FCRL3: variants seen among roughly 807,000 people sequenced by gnomAD.
FCRL3 encodes Fc receptor-like protein 3.
Under a neutral mutation model 75.0 loss-of-function variants are expected in FCRL3, and 89 were observed. The ratio of observed to expected loss-of-function variants is 1.19; its 90% confidence interval spans 1.00 to 1.42. FCRL3 has a LOEUF of 1.42. Ranked by LOEUF, FCRL3 falls within the 40% of genes most tolerant of loss-of-function variation. FCRL3 has a pLI of 0.00. For synonymous variants in FCRL3, 376 were observed against 348.5 expected (o/e 1.08, Z -0.88); for missense variants, 946 against 880.0 (o/e 1.07, Z -0.95).
At position 157,695,545 on chromosome 1, in the gene FCRL3, G is replaced by C. The variant is rs772771935; in HGVS notation, c.1195C>G (p.Leu399Val). 2.5e-6 allele frequency: 4 copies of C among 1,614,002 alleles called. No homozygotes were observed. The African/African-American group carries it at 5.3e-5, about 22-fold the overall frequency. ...APRAHTVVGD[L>V]LELHCESLRG... ...AGGGACTCACAGTGAAGCTCCAGCA[G>C]GTCCCCCACCACAGTGTGGGCCCTG... The change falls in exon 8 of 15, where the codon CTG becomes GTG. Residue 399 changes from leucine (L) to valine (V), a missense_variant. Coordinates refer to ENST00000368184, the MANE Select transcript of FCRL3 (RefSeq NM_052939.4).
At position 157,697,666 on chromosome 1, in the gene FCRL3, T is replaced by A; in HGVS notation, c.552A>T (p.Gln184His). The change falls in exon 5 of 15, where the codon CAA (glutamine) becomes CAT (histidine). Residue 184 changes from glutamine (Q) to histidine (H), a missense_variant. Gln to His is a conservative substitution (Grantham distance 24, BLOSUM62 0). Transcript: ENST00000368184. The part of the protein sequence containing the change: ...IEVTSKPLNI[Q>H]VQELFLHPVL... ...CAGGAATCTAGCCATTACCTTGAAC[T>A]TGGATATTTAGGGGTTTTGAAGTTA... 1.9e-6 allele frequency: 3 copies of A among 1,613,056 alleles called. No homozygotes were observed. Among genetic ancestry groups the A allele is most frequent in the Non-Finnish European group, 2.5e-6 (3 of 1,179,586 alleles).
Position 157,676,861 on chromosome 1 carries a change from T to A in FCRL3, c.*1849A>T. 6.5e-7 allele frequency: 1 copy of A among 1,533,284 alleles called. No individual in the cohort carries two copies. The highest frequency in any genetic ancestry group is 1.2e-5 in the South Asian group (1 of 82,114). 95.0% of individuals were successfully genotyped at this position (1,533,284 alleles called of 1,614,324 possible). ...AGGGGCTTGGCAAGGTAATTCCAAA[T>A]CAGCAGCAGGGTTAGAAAGGAGGAG... On this transcript the variant is annotated 3_prime_UTR_variant, in exon 15 of 15. Coordinates refer to ENST00000368184, the MANE Select transcript of FCRL3 (RefSeq NM_052939.4).
At chr1:157,689,505 G>A (rs535822069) in intron 10 of FCRL3, among the ~76,000 whole-genome samples, 1 of 152,048 alleles carries the variant, frequency 6.6e-6, no homozygotes, top group South Asian at 2.1e-4. Flanking sequence ...TGTTACAAAT[G>A]AAGGACTTTC....
chr1:157,689,369 G>A (rs919368767), intron 10 of FCRL3, among the ~76,000 whole-genome samples: 3 of 151,868 alleles, frequency 2.0e-5, no homozygotes, highest in South Asian at 2.1e-4. Context: ...AGCAACAATC[G>A]GAAATTGAAT....
intron 10 of FCRL3, among the ~76,000 whole-genome samples, chr1:157,686,599 C>A (rs1208495990): frequency 6.6e-6 from 1 of 151,924 alleles, no homozygotes; most frequent in Non-Finnish European, 1.5e-5. Flanking sequence ...ACACATAGAC[C>A]AACGGAATGG....
At position 157,676,653 on chromosome 1, in the gene FCRL3, C is replaced by T. The variant is rs112272202; in HGVS notation, c.*2057G>A. The T allele has an allele frequency of 6.9e-3, 9,961 of 1,445,250 alleles. 53 individuals carry two copies. The highest frequency in any genetic ancestry group is 7.9e-3 in the Non-Finnish European group (8,359 of 1,053,668). 89.5% of individuals were successfully genotyped at this position (1,445,250 alleles called of 1,614,324 possible). On this transcript the variant is annotated 3_prime_UTR_variant, in exon 15 of 15. Coordinates refer to ENST00000368184, the MANE Select transcript of FCRL3 (RefSeq NM_052939.4). The stretch of plus-strand genomic sequence containing the variant: ...TCAGAATTTGCACATTTGTTATATC[C>T]GAGATGTACAGTTAGGACTCACCCC...
intron 7 of FCRL3, 77 bp from the exon 8 acceptor site, chr1:157,695,684 T>C: frequency 6.8e-7 from 1 of 1,462,240 alleles, no homozygotes; most frequent in African/African-American, 1.4e-5. Flanking sequence ...AGCCTAGCAA[T>C]GGATATGTCC....
Position 157,696,256 on chromosome 1 carries a change from C to G in FCRL3, c.916G>C (p.Val306Leu). ...GGQLIEGENM[V>L]LICSVAQGSG... is the part of the protein sequence containing the mutation. ...CCCTGGGCTACTGAGCAAATAAGGACCATATTTTCTCCTTCAATCAGCTGC... is the reference window on the plus strand; with the variant it reads ...CCCTGGGCTACTGAGCAAATAAGGAGCATATTTTCTCCTTCAATCAGCTGC... The change falls in exon 7 of 15, where the codon GTC becomes CTC. Residue 306 changes from valine to leucine, a missense_variant. Val to Leu is a conservative substitution (Grantham distance 32). Transcript: ENST00000368184. 2 of 1,614,016 alleles carry G rather than the reference C, an allele frequency of 1.2e-6. No individual in the cohort carries two copies. Among genetic ancestry groups the G allele is most frequent in the Non-Finnish European group, 1.7e-6 (2 of 1,179,988 alleles).
chr1:157,680,538 T>C (rs1294439777), intron 13 of FCRL3, among the ~76,000 whole-genome samples, 164 bp downstream of exon 13: 1 of 152,212 alleles, frequency 6.6e-6, no homozygotes, highest in East Asian at 1.9e-4. Flanking sequence ...GGTGGCAGTA[T>C]GTAAAGGTAA....
At chr1:157,695,742 T>C (rs1281294469) in intron 7 of FCRL3, 135 bp from the exon 8 acceptor site, 1 of 1,112,252 alleles carries the variant, frequency 9.0e-7, no homozygotes, top group Non-Finnish European at 1.3e-6. Context: ...ATTTTTCTTA[T>C]CTAACAATCA....
At position 157,694,002 on chromosome 1, in the gene FCRL3, G is replaced by A. The variant is rs563741670; in HGVS notation, c.1411+1327C>T. On this transcript the variant is annotated intron_variant, in intron 8 of 14. Coordinates refer to ENST00000368184, the MANE Select transcript of FCRL3 (RefSeq NM_052939.4). ...TAAGCTCAAGTGATTTGCCCACCTC[G>A]GCCTCCCAAAATGCTAGGATTACAG... 9.9e-5 allele frequency among the ~76,000 whole-genome samples: 15 copies of A among 152,058 alleles called. No homozygotes were observed. The South Asian group carries it at 2.9e-3, about 30-fold the overall frequency.
At chr1:157,697,553 G>T in intron 5 of FCRL3, 106 bp downstream of exon 5, 1 of 1,473,040 alleles carries the variant, frequency 6.8e-7, no homozygotes, top group Non-Finnish European at 9.1e-7. Flanking sequence ...TCCCTCCCAT[G>T]GCTGAGCCAT....
At chr1:157,681,489 G>T (rs532576714) in intron 11 of FCRL3, among the ~76,000 whole-genome samples, 1 of 145,582 alleles carries the variant, frequency 6.9e-6, no homozygotes, top group Non-Finnish European at 1.5e-5. Context: ...GAGAACATGC[G>T]GTGTTTGGTT....
In FCRL3 at chr1:157,697,141, C is replaced by T. The variant is rs1253071791; in HGVS notation, c.843G>A (p.Gln281=). Residue 281 remains glutamine, a splice_region_variant and synonymous_variant, in exon 6 of 15, where the codon CAG becomes CAA. Transcript: ENST00000368184. ...AAGAGCAGCCCCTTAGACACTCACT[C>T]TGTACACGTATCTGAGATCTCAGGC... is the stretch of plus-strand genomic sequence containing the variant. ...KRSLRSQIRV[Q]RVPVSNVNLE... 1 of 1,481,002 alleles carries T rather than the reference C, an allele frequency of 6.8e-7. No individual in the cohort carries two copies. Among genetic ancestry groups the T allele is most frequent in the Non-Finnish European group, 9.0e-7 (1 of 1,113,404 alleles). 91.7% of individuals were successfully genotyped at this position (1,481,002 alleles called of 1,614,324 possible). A position where few individuals can be genotyped will look rare whatever the true frequency, so the allele number is the denominator to read the frequency against.
intron 2 of FCRL3, 57 bp downstream of exon 2, chr1:157,700,402 T>A (rs542812331): frequency 6.2e-7 from 1 of 1,613,000 alleles, no homozygotes. Context: ...CCTTGAGTTT[T>A]TCCCTGGTCA....
In FCRL3 at chr1:157,696,155, C is replaced by G; in HGVS notation, c.1017G>C (p.Leu339=). ...CGGTGAGAACATGCAGCTCTGCCAA[C>G]AGGGAACGCTGGGTCTTTCTACCCA... ...RSLGRKTQRS[L]LAELHVLTVK... The change falls in exon 7 of 15, where the codon CTG becomes CTC. Residue 339 remains leucine, a synonymous_variant. Coordinates refer to ENST00000368184, the MANE Select transcript of FCRL3 (RefSeq NM_052939.4). The G allele has an allele frequency of 6.2e-7, 1 of 1,614,056 alleles. No homozygotes were observed. The highest frequency in any genetic ancestry group is 8.5e-7 in the Non-Finnish European group (1 of 1,180,014).
intron 11 of FCRL3, 45 bp downstream of exon 11, chr1:157,683,170 TAA>T: frequency 1.3e-6 from 2 of 1,597,210 alleles, no homozygotes; most frequent in Non-Finnish European, 1.7e-6. Context: ...CTCGTGCATA[TAA>T]ATAAATCATG....
intron 4 of FCRL3, 105 bp downstream of exon 4, chr1:157,698,279 A>G: frequency 7.3e-7 from 1 of 1,370,690 alleles, no homozygotes. Context: ...CAGTGCATCA[A>G]TCCCCATGTC....
In FCRL3 at chr1:157,681,327, G is replaced by A. The variant is rs185536427; in HGVS notation, c.1839-228C>T. Among the ~76,000 whole-genome samples, 217 of 151,304 alleles carry A rather than the reference G, an allele frequency of 1.4e-3. 1 individual carries two copies. The highest frequency in any genetic ancestry group is 6.8e-3 in the Middle Eastern group (2 of 294). On this transcript the variant is annotated intron_variant, in intron 11 of 14. Transcript: ENST00000368184. The stretch of plus-strand genomic sequence containing the variant: ...TACATATGTATATATGTGCCATGCT[G>A]GTGTCCTGCACCCATTAACTCGTCA...
Sources: allele counts gnomAD v4.1 joint callset (sites outside exome capture counted in the v4.1 genomes callset), GRCh38; gene constraint gnomAD v4.1.1; transcripts MANE v1.5; gene names NCBI Gene and HGNC (gene_info 2026-07-23, HGNC 2026-07-21).